RUVBL1: variants seen among roughly 807,000 people sequenced by gnomAD.
The protein encoded by RUVBL1 is RuvB like AAA ATPase 1.
Under a neutral mutation model 52.4 loss-of-function variants are expected in RUVBL1, and 4 were observed. That is an observed-to-expected ratio of 0.08 (90% CI 0.04 to 0.17). The LOEUF is 0.17. Among genes scored for constraint, RUVBL1 ranks in the 10% least tolerant of loss-of-function variants. RUVBL1 has a pLI of 1.00. For synonymous variants in RUVBL1, 217 were observed against 214.4 expected, an observed-to-expected ratio of 1.01 and a Z score of -0.10; for missense variants, 298 against 572.8, an observed-to-expected ratio of 0.52 and a Z score of 4.90.
At chr3:128,150,589 T>G (rs375404766) in intron 1 of RUVBL1, among the ~76,000 whole-genome samples, 17 of 140,114 alleles carry the variant, frequency 1.2e-4, no homozygotes, top group East Asian at 8.0e-4. Context: ...TTCCACAGAA[T>G]ATATATATTT....
At chr3:128,091,899 T>G (rs1261040194) in intron 8 of RUVBL1, among the ~76,000 whole-genome samples, 1 of 152,214 alleles carries the variant, frequency 6.6e-6, no homozygotes, top group African/African-American at 2.4e-5. Context: ...AATGCTTCTT[T>G]ATGTAATCCT....
At chr3:128,072,185 C>G (rs944280983) in intron 9 of RUVBL1, among the ~76,000 whole-genome samples, 7 of 152,182 alleles carry the variant, frequency 4.6e-5, no homozygotes, top group Non-Finnish European at 1.0e-4. Context: ...TAGAACGTGT[C>G]TAGAAGTCTT....
At chr3:128,101,475 C>T (rs985128430) in intron 5 of RUVBL1, 84 bp downstream of exon 5, 1 of 1,319,874 alleles carries the variant, frequency 7.6e-7, no homozygotes, top group African/African-American at 1.4e-5. Flanking sequence ...CCCACACCCT[C>T]TGAAGAAAGC....
intron 9 of RUVBL1, among the ~76,000 whole-genome samples, chr3:128,074,400 G>A (rs1476073364): frequency 6.6e-6 from 1 of 151,676 alleles, no homozygotes; most frequent in Non-Finnish European, 1.5e-5. Flanking sequence ...AATTCTAACA[G>A]TGGTTGCCTC....
At chr3:128,069,228 T>A (rs1043917517) in intron 9 of RUVBL1, among the ~76,000 whole-genome samples, 1 of 152,218 alleles carries the variant, frequency 6.6e-6, no homozygotes, top group Non-Finnish European at 1.5e-5. Flanking sequence ...TCTTCAAATC[T>A]CCAAAATCTT....
intron 7 of RUVBL1, 114 bp from the exon 8 acceptor site, chr3:128,097,612 C>T (rs1342346308): frequency 2.3e-6 from 2 of 880,744 alleles, no homozygotes; most frequent in Non-Finnish European, 3.6e-6. Context: ...AGTTTTCCTA[C>T]TAGCTATGTG....
At position 128,087,729 on chromosome 3, in the gene RUVBL1, A is replaced by G; in HGVS notation, c.1096T>C (p.Tyr366His). Reference sequence around the variant, plus strand: ...ACCTGTTTCATTTCCTGTGGAGTATACAGCATGGTCCGGATTATCATCACT... The same window carrying G: ...ACCTGTTTCATTTCCTGTGGAGTATGCAGCATGGTCCGGATTATCATCACT... The part of the protein sequence containing the change: ...DRVMIIRTML[Y>H]TPQEMKQIIK... Residue 366 changes from tyrosine (Y) to histidine (H), a missense_variant, in exon 9 of 11, where the codon TAT becomes CAT. Physicochemically the swap from Tyr to His is moderately conservative, Grantham distance 83. Coordinates refer to ENST00000322623, the MANE Select transcript of RUVBL1 (RefSeq NM_003707.3). 6 of 1,613,958 alleles carry G rather than the reference A, an allele frequency of 3.7e-6. No individual in the cohort carries two copies. Among genetic ancestry groups the G allele is most frequent in the Non-Finnish European group, 5.1e-6 (6 of 1,179,876 alleles).
chr3:128,067,037 C>A lies in RUVBL1; in HGVS notation c.940-1817G>T, dbSNP rs751387909. The A allele has an allele frequency of 6.2e-7, 1 of 1,614,188 alleles. No individual in the cohort carries two copies. Among genetic ancestry groups the A allele is most frequent in the Non-Finnish European group, 8.5e-7 (1 of 1,180,016 alleles). ...ATCCCATCAAGCTCTTCTATACGTC[C>A]AACATCCCCATCATCCTGCAGTCTG... On this transcript the variant is annotated intron_variant, in intron 9 of 9. Coordinates refer to the RUVBL1 transcript ENST00000464873. The surrounding 1 kb of genome is among the most constrained non-coding windows in gnomAD (Gnocchi z 4.1).
chr3:128,153,810 G>T, exon 1 of RUVBL1: 1 of 1,516,050 alleles, frequency 6.6e-7, no homozygotes, highest in Non-Finnish European at 8.8e-7. Context: ...CCCTCATCCG[G>T]ACCATCATCG....
intron 3 of RUVBL1, among the ~76,000 whole-genome samples, chr3:128,106,545 C>T (rs550918590): frequency 6.6e-6 from 1 of 152,110 alleles, no homozygotes; most frequent in Non-Finnish European, 1.5e-5. Context: ...CAGCAGCCCA[C>T]GGCAATGCCA....
intron 1 of RUVBL1, among the ~76,000 whole-genome samples, chr3:128,144,528 C>A (rs974200181): frequency 6.6e-6 from 1 of 152,190 alleles, no homozygotes; most frequent in African/African-American, 2.4e-5. Context: ...AGGGGGCCCA[C>A]GGAGTCTGTT....
intron 2 of RUVBL1, among the ~76,000 whole-genome samples, chr3:128,113,580 C>T (rs1372765311): frequency 2.0e-5 from 3 of 152,198 alleles, no homozygotes; most frequent in African/African-American, 4.8e-5. Flanking sequence ...AGATTACATA[C>T]AATACCTAAT....
At position 128,087,795 on chromosome 3, in the gene RUVBL1, T is replaced by C; in HGVS notation, c.1030A>G (p.Ile344Val). 6.2e-7 allele frequency: 1 copy of C among 1,613,912 alleles called. No individual in the cohort carries two copies. The highest frequency in any genetic ancestry group is 1.3e-5 in the African/African-American group (1 of 75,028). Residue 344 changes from isoleucine (I) to valine (V), a missense_variant, in exon 9 of 11, where the codon ATC becomes GTC. Around this residue, in one of 5 missense-constraint regions of RUVBL1, gnomAD observed 161 missense variants for 298.3 expected, o/e 0.54. Transcript: ENST00000322623. The part of the protein sequence containing the change: ...GNCVIRGTED[I>V]TSPHGIPLDL... ...AGAGGGATGCCGTGAGGGGATGTGA[T>C]GTCCTCAGTGCCTCTGTAAGGGGCA...
At chr3:128,140,568 A>G (rs1474623831) in intron 1 of RUVBL1, among the ~76,000 whole-genome samples, 1 of 152,160 alleles carries the variant, frequency 6.6e-6, no homozygotes, top group African/African-American at 2.4e-5. Flanking sequence ...TGATTTATAT[A>G]GTGAGAACAC....
At chr3:128,099,216 G>A (rs1029978707) in intron 6 of RUVBL1, among the ~76,000 whole-genome samples, 1 of 152,116 alleles carries the variant, frequency 6.6e-6, no homozygotes, top group African/African-American at 2.4e-5. Flanking sequence ...CTTGTTCCTT[G>A]ATTAGCCACA....
chr3:128,091,788 T>C (rs895858829), intron 8 of RUVBL1, among the ~76,000 whole-genome samples: 12 of 152,224 alleles, frequency 7.9e-5, no homozygotes, highest in Non-Finnish European at 1.3e-4. Context: ...ACCCACTAGA[T>C]GCCAGCAGCA....
In RUVBL1 at chr3:128,100,574, A is replaced by G. The variant is rs531772565; in HGVS notation, c.753+21T>C. The G allele has an allele frequency of 1.6e-5, 25 of 1,573,598 alleles. No homozygotes were observed. The South Asian group carries it at 2.9e-4, about 18-fold the overall frequency. The stretch of plus-strand genomic sequence containing the variant: ...TACAAAAGGGCTAATGTGCCAGATC[A>G]CCCAGGCATCGAGGCAGTACCTGGG... On this transcript the variant is annotated intron_variant, in intron 6 of 10. Transcript: ENST00000322623.
chr3:128,141,133 A>G (rs1944015153), intron 1 of RUVBL1, among the ~76,000 whole-genome samples: 1 of 152,242 alleles, frequency 6.6e-6, no homozygotes, highest in Admixed American at 6.5e-5. Flanking sequence ...CAATTGAAAG[A>G]AAAATGGTAA....
chr3:128,067,729 C>T lies in RUVBL1; in HGVS notation c.940-2509G>A. On this transcript the variant is annotated intron_variant, in intron 9 of 9. Coordinates refer to the RUVBL1 transcript ENST00000464873. The surrounding 1 kb of genome is among the most constrained non-coding windows in gnomAD (Gnocchi z 4.1). ...TGACGTGTGCAGATAGATCGTCGTC[C>T]TTTAGGGGGCAGTTCAGAAGCTTTA... 1 of 845,670 alleles carries T rather than the reference C, an allele frequency of 1.2e-6. No homozygotes were observed. The highest frequency in any genetic ancestry group is 1.8e-6 in the Non-Finnish European group (1 of 544,694). The allele number at this position is 845,670 out of a possible 1,614,324, so 52.4% of individuals were successfully genotyped here. A position where few individuals can be genotyped will look rare whatever the true frequency, so the allele number is the denominator to read the frequency against.
Sources: allele counts gnomAD v4.1 joint callset (sites outside exome capture counted in the v4.1 genomes callset), GRCh38; gene constraint gnomAD v4.1.1; regional missense constraint gnomAD v4.1.1; non-coding constraint Gnocchi (gnomAD v3.1); transcripts MANE v1.5; gene names NCBI Gene and HGNC (gene_info 2026-07-23, HGNC 2026-07-21).